The following FUT8 variants were observed in gnomAD, a reference collection of about 807,000 sequenced individuals.
FUT8 encodes fucosyltransferase 8.
Under a neutral mutation model 71.3 loss-of-function variants are expected in FUT8, and 29 were observed. That is an observed-to-expected ratio of 0.41 (90% confidence interval 0.30 to 0.55). The LOEUF (loss-of-function observed/expected upper bound fraction) is 0.55. Among genes scored for constraint, FUT8 ranks in the 20% least tolerant of loss-of-function variants. The pLI is 0.34. For synonymous variants in FUT8, 254 were observed against 239.3 expected, an observed-to-expected ratio of 1.06 and a Z score of -0.57; for missense variants, 544 against 702.1, an observed-to-expected ratio of 0.77 and a Z score of 2.55.
In FUT8 at chr14:65,742,504, T is replaced by C; in HGVS notation, c.*94T>C. Reference sequence around the variant, plus strand: ...ACTGTAGATGAAGAGGGCTCTGATCTAACAAAATAAGGTTATATGAGTAGA... The same window carrying C: ...ACTGTAGATGAAGAGGGCTCTGATCCAACAAAATAAGGTTATATGAGTAGA... On this transcript the variant is annotated 3_prime_UTR_variant, in exon 11 of 11. Transcript: ENST00000673929. 9.4e-7 allele frequency: 1 copy of C among 1,059,198 alleles called. No individual in the cohort carries two copies. The highest frequency in any genetic ancestry group is 2.6e-5 in the East Asian group (1 of 38,970). The allele number at this position is 1,059,198 out of a possible 1,614,324, so 65.6% of individuals were successfully genotyped here.
At chr14:65,655,890 C>G (rs1211552666) in intron 6 of FUT8, among the ~76,000 whole-genome samples, 1 of 152,104 alleles carries the variant, frequency 6.6e-6, no homozygotes, top group Non-Finnish European at 1.5e-5. Flanking sequence ...TGCTGAAAAG[C>G]ATTTAATAAA....
At chr14:65,526,181 T>C (rs1461060385) in intron 2 of FUT8, among the ~76,000 whole-genome samples, 2 of 152,182 alleles carry the variant, frequency 1.3e-5, no homozygotes, top group African/African-American at 4.8e-5. Flanking sequence ...CTCCCATTAT[T>C]ATTGTGTGAG....
chr14:65,377,982 A>T, the FUT8 span, among the ~76,000 whole-genome samples: 1 of 152,200 alleles, frequency 6.6e-6, no homozygotes, highest in Non-Finnish European at 1.5e-5. Flanking sequence ...GGGAGAAGGA[A>T]AAGACAGAGA....
chr14:65,377,402 T>TA, the FUT8 span, among the ~76,000 whole-genome samples: 4 of 151,920 alleles, frequency 2.6e-5, no homozygotes, highest in African/African-American at 7.3e-5. Context: ...GTGGTAAAAA[T>TA]AAAAAAAATT....
At chr14:65,432,832 A>G (rs2065497046) in intron 1 of FUT8, among the ~76,000 whole-genome samples, 3 of 152,256 alleles carry the variant, frequency 2.0e-5, no homozygotes, top group Admixed American at 1.3e-4. Context: ...AGACATAAAT[A>G]ATCCACCCCT....
At chr14:65,615,484 T>C (rs17826736) in intron 3 of FUT8, among the ~76,000 whole-genome samples, 23,742 of 152,216 alleles carry the variant, frequency 0.16, 2,630 homozygotes, top group East Asian at 0.48. Context: ...AGTAGTCTAA[T>C]GTCATGAATT....
chr14:65,414,137 A>G (rs947144656), intron 1 of FUT8, among the ~76,000 whole-genome samples: 4 of 152,200 alleles, frequency 2.6e-5, no homozygotes, highest in East Asian at 3.8e-4. Context: ...CAAATTCTGT[A>G]GTACATAACC....
chr14:65,721,227 A>G (rs549019641), intron 7 of FUT8, among the ~76,000 whole-genome samples: 11 of 145,032 alleles, frequency 7.6e-5, no homozygotes, highest in African/African-American at 2.6e-4. Flanking sequence ...ATCTTGCTTC[A>G]TCTCCCTCCA....
intron 9 of FUT8, among the ~76,000 whole-genome samples, chr14:65,728,597 A>G (rs1895804351): frequency 6.6e-6 from 1 of 152,242 alleles, no homozygotes; most frequent in Non-Finnish European, 1.5e-5. Flanking sequence ...TGTACCACAT[A>G]ACATTTCAGT....
chr14:65,567,629 T>G (rs150389392), intron 3 of FUT8, among the ~76,000 whole-genome samples: 1 of 151,978 alleles, frequency 6.6e-6, no homozygotes, highest in Non-Finnish European at 1.5e-5. Flanking sequence ...TTTCATGATA[T>G]CTGCCTTTTG....
intron 7 of FUT8, among the ~76,000 whole-genome samples, chr14:65,670,048 G>C (rs1042073035): frequency 2.6e-5 from 4 of 152,144 alleles, no homozygotes; most frequent in Admixed American, 6.5e-5. Context: ...TTGTTTATGT[G>C]ATTTTAATTG....
intron 7 of FUT8, among the ~76,000 whole-genome samples, chr14:65,691,314 G>A (rs993642363): frequency 6.6e-6 from 1 of 150,960 alleles, no homozygotes; most frequent in Non-Finnish European, 1.5e-5. Flanking sequence ...TGGTGAGAGG[G>A]GCCATCCTTG....
chr14:65,401,688 A>G, the FUT8 span, among the ~76,000 whole-genome samples: 5 of 152,150 alleles, frequency 3.3e-5, no homozygotes, highest in African/African-American at 1.2e-4. Flanking sequence ...ACTTGAGGCC[A>G]GGAGTTCGAG....
rs199782221 is a variant in FUT8, at chr14:65,638,480, AAAC to A, written c.597+8878_597+8880del. On this transcript the variant is annotated intron_variant, in intron 6 of 10. Transcript: ENST00000673929. This position sits in a 1 kb window ranked among gnomAD's most constrained non-coding sequence, Gnocchi z 4.5. Reference sequence around the variant, plus strand: ...AGAGGAAAAAAGGTGTGAAAATGGAAAACAACTATTTCACTTTTTAAATGAGGA... The same window carrying A: ...AGAGGAAAAAAGGTGTGAAAATGGAAAACTATTTCACTTTTTAAATGAGGA... 0.012 allele frequency among the ~76,000 whole-genome samples: 1,835 copies of A among 152,304 alleles called. 16 individuals carry two copies. Among genetic ancestry groups the A allele is most frequent in the Middle Eastern group, 0.024 (7 of 294 alleles).
In FUT8 at chr14:65,660,536, C is replaced by T. The variant is rs77098896; in HGVS notation, c.598-8707C>T. ...ATCTTTCCTCCCTTTAGTTTCTACT[C>T]TTAGATTTTACAGAATACCCATAGG... On this transcript the variant is annotated intron_variant, in intron 6 of 10. Transcript: ENST00000673929. The surrounding 1 kb of genome is among the most constrained non-coding windows in gnomAD (Gnocchi z 4.1). Among the ~76,000 whole-genome samples the T allele has an allele frequency of 6.6e-6, 1 of 152,006 alleles. No individual in the cohort carries two copies. Among genetic ancestry groups the T allele is most frequent in the East Asian group, 1.9e-4 (1 of 5,190 alleles).
chr14:65,514,687 ACTT>A (rs1882588560), intron 2 of FUT8, among the ~76,000 whole-genome samples: 1 of 149,206 alleles, frequency 6.7e-6, no homozygotes, highest in Admixed American at 6.7e-5. Flanking sequence ...AAGTCAAATC[ACTT>A]CTTTTTTTTT....
intron 2 of FUT8, among the ~76,000 whole-genome samples, chr14:65,473,686 T>G (rs867585893): frequency 6.6e-6 from 1 of 152,230 alleles, no homozygotes; most frequent in African/African-American, 2.4e-5. Context: ...TCCTTACCAA[T>G]TTAATGTTTG....
the FUT8 span, among the ~76,000 whole-genome samples, chr14:65,377,906 T>C: frequency 6.6e-6 from 1 of 152,174 alleles, no homozygotes; most frequent in African/African-American, 2.4e-5. Context: ...TAAGAATAAG[T>C]GACTTGAATT....
chr14:65,710,332 G>T (rs60919640), intron 7 of FUT8, among the ~76,000 whole-genome samples: 1 of 152,036 alleles, frequency 6.6e-6, no homozygotes, highest in East Asian at 1.9e-4. Flanking sequence ...AAGATTATTT[G>T]TGAGATTTCT....
Sources: gnomAD v4.1 joint callset for allele counts (sites outside exome capture counted in the v4.1 genomes callset) on GRCh38, gnomAD v4.1.1 for gene constraint, Gnocchi (gnomAD v3.1) non-coding constraint, MANE v1.5 for transcripts, NCBI Gene and HGNC (gene_info 2026-07-23, HGNC 2026-07-21) for gene names.